The following LRP11 variants were observed in gnomAD, a reference collection of about 807,000 sequenced individuals.
LRP11 encodes the protein low-density lipoprotein receptor-related protein 11.
A neutral mutation model predicts 43.1 loss-of-function variants in LRP11; 25 were observed. The ratio of observed to expected loss-of-function variants is 0.58; its 90% CI spans 0.42 to 0.81. LRP11 has a LOEUF of 0.81. LRP11 is among the 30% of genes least tolerant of loss of function. The pLI is 0.00. For missense variants in LRP11, 623 were observed against 665.1 expected, an observed-to-expected ratio of 0.94 and a Z score of 0.70; for synonymous variants, 316 against 299.4, an observed-to-expected ratio of 1.06 and a Z score of -0.57.
chr6:149,859,824 T>C (rs1218596724), intron 1 of LRP11, among the ~76,000 whole-genome samples: 5 of 152,168 alleles, frequency 3.3e-5, no homozygotes, highest in East Asian at 1.9e-4. Flanking sequence ...ACCTCTTTAA[T>C]TGATTTGAAA....
chr6:149,857,676 A>G (rs1468978060), intron 1 of LRP11, among the ~76,000 whole-genome samples: 1 of 152,218 alleles, frequency 6.6e-6, no homozygotes, highest in East Asian at 1.9e-4. Context: ...AGTGCTTGAG[A>G]TATTTTATAG....
rs1314273773 is a variant in LRP11 at position 149,819,753 on chromosome 6, GT to G, written c.*795del. ...CACCATGGAGCAGTGTTGATTTGAT[GT>G]AATGAAGTATTAAACGTTCTCCTTG... is the stretch of plus-strand genomic sequence containing the variant. On this transcript the variant is annotated 3_prime_UTR_variant, in exon 7 of 7. Transcript: ENST00000239367. The G allele has an allele frequency of 2.0e-5, 3 of 152,206 alleles. No homozygotes were observed. Among genetic ancestry groups the G allele is most frequent in the African/African-American group, 7.2e-5 (3 of 41,454 alleles). 9.4% of individuals were successfully genotyped at this position (152,206 alleles called of 1,614,324 possible).
intron 3 of LRP11, among the ~76,000 whole-genome samples, chr6:149,840,015 T>C (rs536720713): frequency 1.3e-5 from 2 of 152,338 alleles, no homozygotes; most frequent in Admixed American, 6.5e-5. Flanking sequence ...TTAGATCATG[T>C]TGGAAGAGCT....
At position 149,843,205 on chromosome 6, in the gene LRP11, G is replaced by A. The variant is rs1776578248; in HGVS notation, c.772-81C>T. The A allele has an allele frequency of 1.1e-5, 17 of 1,547,052 alleles. No homozygotes were observed. The South Asian group carries it at 1.9e-4, about 18-fold the overall frequency. On this transcript the variant is annotated intron_variant, in intron 2 of 6. Coordinates refer to ENST00000239367, the MANE Select transcript of LRP11 (RefSeq NM_032832.6). ...ACACCATCCTCAACCGAAAGTCCAT[G>A]TCCTCAGAGCAGCCCCAGGACCTGC...
At chr6:149,846,770 C>A (rs1423294828) in intron 2 of LRP11, among the ~76,000 whole-genome samples, 1 of 151,968 alleles carries the variant, frequency 6.6e-6, no homozygotes, top group Non-Finnish European at 1.5e-5. Context: ...GAAACCCCAT[C>A]TTTACTAAAA....
intron 1 of LRP11, among the ~76,000 whole-genome samples, chr6:149,859,841 T>C (rs1487957857): frequency 6.6e-6 from 1 of 152,182 alleles, no homozygotes; most frequent in African/African-American, 2.4e-5. Context: ...GAAACCTGTC[T>C]TCCTTCCAGA....
At chr6:149,863,358 G>A (rs1372026759) in intron 1 of LRP11, 50 bp downstream of exon 1, 10 of 1,304,338 alleles carry the variant, frequency 7.7e-6, no homozygotes, top group Non-Finnish European at 6.8e-6. Context: ...CGAGGGCGCT[G>A]CGGGTCTCGA....
chr6:149,859,397 T>TATATATATATATATATATATATATATATA (rs1491456220), intron 1 of LRP11, among the ~76,000 whole-genome samples: 14 of 72,930 alleles, frequency 1.9e-4, no homozygotes, highest in Admixed American at 3.5e-4. Flanking sequence ...TATATATATA[T>TATATATATATATATATATATATATATATA]TTTTTTTTTT....
chr6:149,835,313 A>T lies in LRP11; in HGVS notation c.1252+772T>A, dbSNP rs1457305179. Among the ~76,000 whole-genome samples the T allele has an allele frequency of 2.6e-5, 4 of 152,312 alleles. No homozygotes were observed. In the East Asian group the frequency reaches 7.7e-4, roughly 29 times the overall value. On this transcript the variant is annotated intron_variant, in intron 5 of 6. Coordinates refer to ENST00000239367, the MANE Select transcript of LRP11 (RefSeq NM_032832.6). ...TGCTTTAGTCATGTTAATGTATTTTAGGCCAGGTGCAGTGACTCACACCTA... is the reference window on the plus strand; with the variant it reads ...TGCTTTAGTCATGTTAATGTATTTTTGGCCAGGTGCAGTGACTCACACCTA...
chr6:149,832,337 G>A (rs1308457800), intron 5 of LRP11, among the ~76,000 whole-genome samples: 1 of 151,694 alleles, frequency 6.6e-6, no homozygotes, highest in Non-Finnish European at 1.5e-5. Flanking sequence ...GATTACAGGT[G>A]CCTGACACTA....
chr6:149,860,834 G>C (rs895111136), intron 1 of LRP11, among the ~76,000 whole-genome samples: 3 of 152,164 alleles, frequency 2.0e-5, no homozygotes, highest in African/African-American at 7.2e-5. Flanking sequence ...TAGGAGTTCA[G>C]GCTCCACAAC....
chr6:149,836,175 G>A lies in LRP11; in HGVS notation c.1162C>T (p.Pro388Ser). The A allele has an allele frequency of 6.2e-7, 1 of 1,614,064 alleles. No homozygotes were observed. The highest frequency in any genetic ancestry group is 8.5e-7 in the Non-Finnish European group (1 of 1,180,028). The change falls in exon 5 of 7, where the codon CCA becomes TCA. Residue 388 changes from proline (P) to serine (S), a missense_variant. Transcript: ENST00000239367. ...LVEKSQKATA[P>S]NKPPALSNTE... The stretch of plus-strand genomic sequence containing the variant: ...TTTGATAATGCAGGTGGCTTGTTTG[G>A]GGCAGTGGCTTTCTGAGACTTTTCC...
intron 3 of LRP11, among the ~76,000 whole-genome samples, chr6:149,839,090 T>C (rs1391685346): frequency 6.7e-6 from 1 of 150,104 alleles, no homozygotes; most frequent in African/African-American, 2.5e-5. Context: ...ATACAGGGTG[T>C]CACTATGTTG....
At chr6:149,863,154 C>T (rs1333616237) in intron 1 of LRP11, among the ~76,000 whole-genome samples, 1 of 152,148 alleles carries the variant, frequency 6.6e-6, no homozygotes, top group Non-Finnish European at 1.5e-5. Context: ...GTCATATTTC[C>T]ACGAATCCTC....
rs192414919 is a variant in LRP11, at chr6:149,843,416, C to T, written c.772-292G>A. ...CCAGCCTCACGCTCAGGATCCAGGC[C>T]CTGCCGTCTCAGCAGGGGGACTCAT... is the stretch of plus-strand genomic sequence containing the variant. On this transcript the variant is annotated intron_variant, in intron 2 of 6. Transcript: ENST00000239367. Among the ~76,000 whole-genome samples, 18 of 152,266 alleles carry T rather than the reference C, an allele frequency of 1.2e-4. No individual in the cohort carries two copies. In the East Asian group the frequency reaches 3.5e-3, roughly 29 times the overall value.
In LRP11 at chr6:149,837,345, G is replaced by A; in HGVS notation, c.1032C>T (p.Cys344=). The change falls in exon 4 of 7, where the codon TGC becomes TGT. Residue 344 remains cysteine, a synonymous_variant. Coordinates refer to ENST00000239367, the MANE Select transcript of LRP11 (RefSeq NM_032832.6). ...QCPDGSDEDF[C]QNLGLDRKMV... Reference sequence around the variant, plus strand: ...GTGACATAGCCAACTCACGATTCTGGCAGAAGTCTTCATCAGACCCATCAG... The same window carrying A: ...GTGACATAGCCAACTCACGATTCTGACAGAAGTCTTCATCAGACCCATCAG... 2 of 1,613,550 alleles carry A rather than the reference G, an allele frequency of 1.2e-6. No individual in the cohort carries two copies. Among genetic ancestry groups the A allele is most frequent in the Non-Finnish European group, 1.7e-6 (2 of 1,179,866 alleles).
chr6:149,822,808 G>GCATACATCTT (rs1278940984), intron 6 of LRP11, among the ~76,000 whole-genome samples: 1 of 152,194 alleles, frequency 6.6e-6, no homozygotes, highest in Non-Finnish European at 1.5e-5. Flanking sequence ...TGATTTTGAT[G>GCATACATCTT]TATGATAGAG....
In LRP11 at chr6:149,820,382, G is replaced by T; in HGVS notation, c.*167C>A. 2.3e-6 allele frequency: 1 copy of T among 430,134 alleles called. No individual in the cohort carries two copies. Among genetic ancestry groups the T allele is most frequent in the South Asian group, 4.6e-5 (1 of 21,770 alleles). 26.6% of individuals were successfully genotyped at this position (430,134 alleles called of 1,614,324 possible). ...CTCTCTAAATTTCAAAATATTTTAT[G>T]ACTTCTAAGGAAACTTTTTTTACAA... On this transcript the variant is annotated 3_prime_UTR_variant, in exon 7 of 7. Transcript: ENST00000239367.
intron 5 of LRP11, 109 bp from the exon 6 acceptor site, chr6:149,826,468 CTGTT>C: frequency 1.4e-6 from 1 of 704,118 alleles, no homozygotes; most frequent in Non-Finnish European, 2.4e-6. Flanking sequence ...TAGAGAAGAA[CTGTT>C]TATTTCTCTA....
Sources: allele counts gnomAD v4.1 joint callset (sites outside exome capture counted in the v4.1 genomes callset), GRCh38; gene constraint gnomAD v4.1.1; transcripts MANE v1.5; gene names NCBI Gene and HGNC (gene_info 2026-07-23, HGNC 2026-07-21).